Variants in ATRNL1 observed in about 807,000 individuals in gnomAD.
The protein encoded by ATRNL1 is attractin-like protein 1.
ATRNL1 carries 95 observed loss-of-function variants against 182.7 expected under a neutral mutation model. That is an observed-to-expected ratio of 0.52 (90% CI 0.44 to 0.62). The LOEUF is 0.62. Ranked by LOEUF, ATRNL1 falls within the 20% of genes least tolerant of loss-of-function variation. The pLI is 0.00. For missense variants in ATRNL1, 1,471 were observed against 1,679.5 expected (o/e 0.88, Z 2.17); for synonymous variants, 576 against 568.3 (o/e 1.01, Z -0.19).
At position 115,337,364 on chromosome 10, in the gene ATRNL1, G is replaced by A. The variant is rs145319652; in HGVS notation, c.3175+2945G>A. Among the ~76,000 whole-genome samples the A allele has an allele frequency of 8.5e-5, 13 of 152,160 alleles. No individual in the cohort carries two copies. In the East Asian group the frequency reaches 2.1e-3, roughly 25 times the overall value. On this transcript the variant is annotated intron_variant, in intron 19 of 28. Coordinates refer to ENST00000355044, the MANE Select transcript of ATRNL1 (RefSeq NM_207303.4). ...AATTACACTCTTTAAGTTATTTCAA[G>A]TTATTTTAAAATGTACAATTAAGTT...
At chr10:115,407,315 T>A (rs1291620629) in intron 20 of ATRNL1, among the ~76,000 whole-genome samples, 4 of 152,154 alleles carry the variant, frequency 2.6e-5, no homozygotes, top group Non-Finnish European at 5.9e-5. Flanking sequence ...GTATAGAACA[T>A]TAGAACTTAT....
At chr10:115,763,852 G>T (rs533296584) in intron 27 of ATRNL1, among the ~76,000 whole-genome samples, 10 of 152,124 alleles carry the variant, frequency 6.6e-5, no homozygotes, top group African/African-American at 1.9e-4. Flanking sequence ...AAGAAATATT[G>T]AATTGTTTTA....
At chr10:115,415,902 A>T (rs899555687) in intron 20 of ATRNL1, among the ~76,000 whole-genome samples, 3 of 152,028 alleles carry the variant, frequency 2.0e-5, no homozygotes, top group African/African-American at 7.2e-5. Context: ...TTTCTATTGT[A>T]CACATTTGGT....
intron 18 of ATRNL1, among the ~76,000 whole-genome samples, chr10:115,322,733 C>A (rs1421008741): frequency 6.6e-6 from 1 of 152,024 alleles, no homozygotes; most frequent in African/African-American, 2.4e-5. Context: ...GTCATTATTT[C>A]TCCAATTTTC....
At chr10:115,764,535 G>T (rs1948809778) in intron 27 of ATRNL1, among the ~76,000 whole-genome samples, 1 of 151,932 alleles carries the variant, frequency 6.6e-6, no homozygotes, top group Non-Finnish European at 1.5e-5. Context: ...CCATAATTTT[G>T]CCTTTTCCAG....
chr10:115,415,137 T>A (rs1455655369), intron 20 of ATRNL1, among the ~76,000 whole-genome samples: 2 of 152,040 alleles, frequency 1.3e-5, no homozygotes, highest in Non-Finnish European at 2.9e-5. Context: ...ATATGAATTT[T>A]CTCATTTTCT....
chr10:115,816,634 AC>A (rs1950172437), intron 27 of ATRNL1, among the ~76,000 whole-genome samples: 3 of 151,960 alleles, frequency 2.0e-5, no homozygotes, highest in Non-Finnish European at 4.4e-5. Context: ...ACACACACAC[AC>A]ACACGTGAAG....
At chr10:115,816,983 C>G (rs1555088793) in intron 27 of ATRNL1, among the ~76,000 whole-genome samples, 1 of 152,122 alleles carries the variant, frequency 6.6e-6, no homozygotes, top group East Asian at 1.9e-4. Flanking sequence ...CCTCTTCCTA[C>G]TGCATTGCTG....
At chr10:115,735,652 G>T (rs1459584335) in intron 27 of ATRNL1, among the ~76,000 whole-genome samples, 1 of 152,148 alleles carries the variant, frequency 6.6e-6, no homozygotes, top group Non-Finnish European at 1.5e-5. Context: ...TTGAACACAA[G>T]TACTATGATA....
chr10:115,807,291 A>C (rs979876653), intron 27 of ATRNL1, among the ~76,000 whole-genome samples: 3 of 151,816 alleles, frequency 2.0e-5, no homozygotes, highest in Admixed American at 6.6e-5. Flanking sequence ...AATTTTTGTA[A>C]TTGTAGCAGA....
chr10:115,548,740 T>C (rs1412734580), intron 25 of ATRNL1, among the ~76,000 whole-genome samples: 1 of 152,208 alleles, frequency 6.6e-6, no homozygotes, highest in East Asian at 1.9e-4. Context: ...AACTGACTTA[T>C]TTCTTAAAGT....
At chr10:115,264,225 C>A (rs1306667161) in intron 10 of ATRNL1, among the ~76,000 whole-genome samples, 4 of 151,254 alleles carry the variant, frequency 2.6e-5, no homozygotes, top group African/African-American at 9.7e-5. Flanking sequence ...TTTTGATGTT[C>A]ATTAATAAAA....
intron 24 of ATRNL1, among the ~76,000 whole-genome samples, chr10:115,517,844 T>C (rs1850717920): frequency 6.6e-6 from 1 of 151,872 alleles, no homozygotes; most frequent in African/African-American, 2.4e-5. Context: ...TTCTATGATA[T>C]TCTATGGACA....
intron 6 of ATRNL1, among the ~76,000 whole-genome samples, 172 bp downstream of exon 6, chr10:115,160,386 T>C (rs554202432): frequency 6.6e-6 from 1 of 152,048 alleles, no homozygotes; most frequent in Admixed American, 6.6e-5. Flanking sequence ...TAGCTGTCAT[T>C]GCACATAGAA....
chr10:115,866,529 G>A (rs1951443316), intron 28 of ATRNL1, among the ~76,000 whole-genome samples: 1 of 152,256 alleles, frequency 6.6e-6, no homozygotes, highest in South Asian at 2.1e-4. Flanking sequence ...CAAAATCAAA[G>A]TTCAAAAACC....
intron 26 of ATRNL1, among the ~76,000 whole-genome samples, chr10:115,692,346 A>T (rs917694272): frequency 4.6e-5 from 7 of 152,244 alleles, no homozygotes; most frequent in African/African-American, 1.7e-4. Flanking sequence ...AGGAATAATG[A>T]TTAGCAAACA....
chr10:115,223,790 TA>T (rs1420530226), intron 9 of ATRNL1, among the ~76,000 whole-genome samples: 8 of 150,204 alleles, frequency 5.3e-5, no homozygotes, highest in African/African-American at 2.0e-4. Context: ...CACAGTGAAA[TA>T]AAAAGTAACT....
chr10:115,415,457 A>G (rs1310489063), intron 20 of ATRNL1, among the ~76,000 whole-genome samples: 2 of 150,812 alleles, frequency 1.3e-5, no homozygotes, highest in African/African-American at 2.4e-5. Flanking sequence ...TAAGTTGCAC[A>G]TATTTCCTCC....
chr10:115,944,256 A>G (rs1555124895), intron 28 of ATRNL1, among the ~76,000 whole-genome samples: 1 of 107,866 alleles, frequency 9.3e-6, no homozygotes, highest in African/African-American at 3.4e-5. Flanking sequence ...AAATGTTTTT[A>G]AAAATCTTAA....
Sources: gnomAD v4.1 joint callset for allele counts (sites outside exome capture counted in the v4.1 genomes callset) on GRCh38, gnomAD v4.1.1 for gene constraint, MANE v1.5 for transcripts, NCBI Gene and HGNC (gene_info 2026-07-23, HGNC 2026-07-21) for gene names.